Variants in GPHN observed in about 807,000 individuals in gnomAD.
The protein encoded by GPHN is gephyrin.
In GPHN, 17 loss-of-function variants were observed where a neutral mutation model predicts 95.5. The ratio of observed to expected loss-of-function variants is 0.18; its 90% CI spans 0.12 to 0.27. The LOEUF is 0.27. GPHN is among the 10% of genes least tolerant of loss of function. The pLI is 1.00. For missense variants in GPHN, 660 were observed against 978.1 expected (o/e 0.67, Z 4.34); for synonymous variants, 320 against 322.5 (o/e 0.99, Z 0.08).
At chr14:66,522,242 A>G (rs1331325212) in intron 1 of GPHN, among the ~76,000 whole-genome samples, 1 of 152,100 alleles carries the variant, frequency 6.6e-6, no homozygotes, top group Non-Finnish European at 1.5e-5. Context: ...TATTTTACCC[A>G]TTTTTTAAAG....
the GPHN span, chr14:67,724,470 TAGG>T: frequency 6.3e-7 from 1 of 1,591,356 alleles, no homozygotes; most frequent in Non-Finnish European, 8.6e-7. Context: ...CCCTTGCCGA[TAGG>T]AAGTTCTTTG....
the GPHN span, among the ~76,000 whole-genome samples, chr14:67,218,110 G>T: frequency 1.3e-5 from 2 of 152,150 alleles, no homozygotes; most frequent in Non-Finnish European, 2.9e-5. Flanking sequence ...TTTGCCAGGG[G>T]TAGGCTCACC....
At chr14:67,245,303 C>G in the GPHN span, among the ~76,000 whole-genome samples, 3 of 152,112 alleles carry the variant, frequency 2.0e-5, no homozygotes, top group Admixed American at 6.6e-5. Context: ...CTTTACATTC[C>G]TGTCAGCACT....
intron 10 of GPHN, among the ~76,000 whole-genome samples, chr14:67,037,148 A>G (rs939400888): frequency 2.6e-5 from 4 of 152,040 alleles, no homozygotes. Flanking sequence ...TGGTCAAATG[A>G]TCTTTGAAGA....
At chr14:67,583,598 C>T in the GPHN span, 5 of 567,456 alleles carry the variant, frequency 8.8e-6, no homozygotes, top group Admixed American at 3.4e-5. Flanking sequence ...TGAGATGAAG[C>T]GTTTTTCTAA....
At chr14:67,321,866 CTTTAA>C in the GPHN span, among the ~76,000 whole-genome samples, 29 of 152,198 alleles carry the variant, frequency 1.9e-4, no homozygotes, top group Non-Finnish European at 2.8e-4. Flanking sequence ...ATTGGTAGTA[CTTTAA>C]TTTGAGTCTA....
the GPHN span, among the ~76,000 whole-genome samples, chr14:67,721,278 C>T: frequency 6.6e-6 from 1 of 152,188 alleles, no homozygotes; most frequent in South Asian, 2.1e-4. Context: ...GCAATGAATC[C>T]CACTTACCCT....
the GPHN span, among the ~76,000 whole-genome samples, chr14:67,510,028 A>AAG: frequency 1.2e-5 from 1 of 81,284 alleles, no homozygotes; most frequent in Non-Finnish European, 3.5e-5. Flanking sequence ...TTTTTTTATT[A>AAG]AAAAAAAAAA....
chr14:67,280,212 AG>A, the GPHN span, among the ~76,000 whole-genome samples: 1 of 152,210 alleles, frequency 6.6e-6, no homozygotes, highest in African/African-American at 2.4e-5. Context: ...TCTACAAGAG[AG>A]ATTGATATCA....
intron 2 of GPHN, among the ~76,000 whole-genome samples, chr14:66,739,288 C>T (rs1293281584): frequency 1.1e-4 from 17 of 148,998 alleles, no homozygotes; most frequent in South Asian, 4.2e-4. Flanking sequence ...ACAATCTCGG[C>T]GTACTGCAAG....
At chr14:66,724,084 C>T (rs1329103883) in intron 2 of GPHN, among the ~76,000 whole-genome samples, 9 of 151,578 alleles carry the variant, frequency 5.9e-5, no homozygotes, top group Middle Eastern at 6.8e-3. Context: ...GTCAATAAAA[C>T]ATAGTAATGT....
chr14:66,738,666 A>C (rs1312045712), intron 2 of GPHN, among the ~76,000 whole-genome samples: 5 of 152,192 alleles, frequency 3.3e-5, no homozygotes, highest in Non-Finnish European at 7.4e-5. Context: ...ATTTCATTAA[A>C]ATATCCAATT....
At chr14:67,254,786 C>A in the GPHN span, among the ~76,000 whole-genome samples, 1 of 152,188 alleles carries the variant, frequency 6.6e-6, no homozygotes, top group African/African-American at 2.4e-5. Context: ...TAGAGGTAAT[C>A]ATCTACTAAT....
the GPHN span, among the ~76,000 whole-genome samples, chr14:67,704,695 C>T: frequency 7.2e-5 from 11 of 152,160 alleles, no homozygotes; most frequent in Non-Finnish European, 2.9e-5. Context: ...AAGGAAAGGT[C>T]TCACCCCAAA....
chr14:67,598,998 C>T, the GPHN span, among the ~76,000 whole-genome samples: 1 of 152,202 alleles, frequency 6.6e-6, no homozygotes, highest in Non-Finnish European at 1.5e-5. Context: ...GCGTGAGGTA[C>T]AGTGCTTTGC....
chr14:67,419,900 G>C, the GPHN span, among the ~76,000 whole-genome samples: 2 of 151,902 alleles, frequency 1.3e-5, no homozygotes, highest in African/African-American at 4.8e-5. Flanking sequence ...CAGTGGGTCT[G>C]CATCTCCCCA....
the GPHN span, among the ~76,000 whole-genome samples, chr14:67,668,001 CAG>C: frequency 6.6e-6 from 1 of 152,156 alleles, no homozygotes; most frequent in East Asian, 1.9e-4. Context: ...TAAAATTCTA[CAG>C]TCTGTAAGTA....
chr14:67,342,819 GCTTT>G, the GPHN span, among the ~76,000 whole-genome samples: 26 of 151,686 alleles, frequency 1.7e-4, no homozygotes, highest in South Asian at 2.1e-4. Flanking sequence ...TTCAAATTTT[GCTTT>G]CTTACCTAAA....
intron 1 of GPHN, among the ~76,000 whole-genome samples, chr14:66,678,190 T>C (rs2066722231): frequency 6.6e-6 from 1 of 152,176 alleles, no homozygotes; most frequent in African/African-American, 2.4e-5. Flanking sequence ...CTATGCCTTT[T>C]CTACACTCAT....
Sources: gnomAD v4.1 joint callset for allele counts (sites outside exome capture counted in the v4.1 genomes callset) on GRCh38, gnomAD v4.1.1 for gene constraint, MANE v1.5 for transcripts, NCBI Gene and HGNC (gene_info 2026-07-23, HGNC 2026-07-21) for gene names.